The following GPATCH2L variants were observed in gnomAD, a reference collection of about 807,000 sequenced individuals.
The protein encoded by GPATCH2L is G patch domain-containing protein 2-like.
Under a neutral mutation model 57.4 loss-of-function variants are expected in GPATCH2L, and 31 were observed. That is an observed-to-expected ratio of 0.54 (90% CI 0.41 to 0.73). The LOEUF (loss-of-function observed/expected upper bound fraction) is 0.73. Among genes scored for constraint, GPATCH2L ranks in the 30% least tolerant of loss-of-function variants. The probability of loss-of-function intolerance (pLI) is 0.00; values close to 1 mark genes in which losing one functional copy is unlikely to be tolerated. For synonymous variants in GPATCH2L, 199 were observed against 210.7 expected, an observed-to-expected ratio of 0.94 and a Z score of 0.48; for missense variants, 481 against 599.9, an observed-to-expected ratio of 0.80 and a Z score of 2.07.
At chr14:76,221,536 G>A (rs570453436) in intron 1 of GPATCH2L, among the ~76,000 whole-genome samples, 1 of 152,288 alleles carries the variant, frequency 6.6e-6, no homozygotes, top group South Asian at 2.1e-4. Flanking sequence ...TCCACAGAAA[G>A]ACTGCACACA....
chr14:76,189,075 A>G (rs1258446623), intron 8 of GPATCH2L, among the ~76,000 whole-genome samples: 1 of 151,992 alleles, frequency 6.6e-6, no homozygotes, highest in Non-Finnish European at 1.5e-5. Flanking sequence ...GTCTGTTTTT[A>G]TGCCAGTACA....
At position 76,154,482 on chromosome 14, in the gene GPATCH2L, G is replaced by A. The variant is rs771836904; in HGVS notation, c.119G>A (p.Arg40Gln). Reference protein sequence around the residue: ...LSPRQQRRQLRKRRGRKRRSD... With the variant: ...LSPRQQRRQLQKRRGRKRRSD... ...CCCCGACAGCAGAGGCGGCAGCTTC[G>A]GAAACGCCGAGGTCGGAAGCGTCGT... The change falls in exon 2 of 10, where the codon CGG becomes CAG. Residue 40 changes from arginine (R) to glutamine (Q), a missense_variant. Coordinates refer to ENST00000261530, the MANE Select transcript of GPATCH2L (RefSeq NM_017926.4). This position sits in a 1 kb window ranked among gnomAD's most constrained non-coding sequence, Gnocchi z 4.4. 17 of 1,614,056 alleles carry A rather than the reference G, an allele frequency of 1.1e-5. No individual in the cohort carries two copies. Among genetic ancestry groups the A allele is most frequent in the Non-Finnish European group, 1.4e-5 (17 of 1,180,042 alleles).
chr14:76,177,194 T>C (rs575307094), intron 6 of GPATCH2L, among the ~76,000 whole-genome samples: 1 of 152,198 alleles, frequency 6.6e-6, no homozygotes, highest in Admixed American at 6.5e-5. Flanking sequence ...TACAGGCGCA[T>C]GCTGCTGCGC....
In GPATCH2L at chr14:76,204,150, C is replaced by T. The variant is rs537071880; in HGVS notation, c.*2299C>T. The T allele has an allele frequency of 1.3e-5, 2 of 152,330 alleles. No individual in the cohort carries two copies. Among genetic ancestry groups the T allele is most frequent in the East Asian group, 3.9e-4 (2 of 5,192 alleles). 9.4% of individuals were successfully genotyped at this position (152,330 alleles called of 1,614,324 possible). A position where few individuals can be genotyped will look rare whatever the true frequency, so the allele number is the denominator to read the frequency against. On this transcript the variant is annotated 3_prime_UTR_variant, in exon 10 of 10. Transcript: ENST00000261530. ...ACTAAGCCAGGACTAGAATCCCAGA[C>T]TTTCAGATTTTCTCTGCCCTGGGTT...
At chr14:76,225,452 C>G (rs1227421459) in intron 1 of GPATCH2L, among the ~76,000 whole-genome samples, 1 of 150,982 alleles carries the variant, frequency 6.6e-6, no homozygotes, top group Non-Finnish European at 1.5e-5. Context: ...TGAAAAAAAC[C>G]AAGTCCATAT....
At position 76,222,953 on chromosome 14, in the gene GPATCH2L, T is replaced by G. The variant is rs369207166; in HGVS notation, c.66-6855T>G. On this transcript the variant is annotated intron_variant and NMD_transcript_variant, in intron 1 of 3. Coordinates refer to the GPATCH2L transcript ENST00000556372. ...CCTGGGCAACAGAGTGAGACTGTGTTCAAAAAAAAAAAAAAAAAGAAAGAA... is the reference window on the plus strand; with the variant it reads ...CCTGGGCAACAGAGTGAGACTGTGTGCAAAAAAAAAAAAAAAAAGAAAGAA... Among the ~76,000 whole-genome samples the G allele has an allele frequency of 8.1e-3, 823 of 101,918 alleles. 8 individuals are homozygous for G. The highest frequency in any genetic ancestry group is 0.025 in the African/African-American group (766 of 30,710). The allele number at this position is 101,918 out of a possible 152,430, so 66.9% of individuals were successfully genotyped here.
chr14:76,233,056 A>C (rs950445864), intron 2 of GPATCH2L, among the ~76,000 whole-genome samples: 1 of 152,232 alleles, frequency 6.6e-6, no homozygotes, highest in Admixed American at 6.5e-5. Context: ...AGCAGAGTAC[A>C]AAGGCCAGAC....
At chr14:76,163,284 A>G (rs1334961262) in intron 2 of GPATCH2L, among the ~76,000 whole-genome samples, 3 of 152,210 alleles carry the variant, frequency 2.0e-5, no homozygotes, top group African/African-American at 4.8e-5. Flanking sequence ...TAATTAATAT[A>G]AAGTGCTTAG....
At chr14:76,217,450 C>T (rs1209243679), downstream of GPATCH2L, among the ~76,000 whole-genome samples, 4 of 152,068 alleles carry the variant, frequency 2.6e-5, no homozygotes, top group East Asian at 7.7e-4. Flanking sequence ...AAATATACCC[C>T]ACTCCTTTGG....
chr14:76,185,321 G>A (rs11848148), intron 8 of GPATCH2L, among the ~76,000 whole-genome samples: 31,284 of 152,144 alleles, frequency 0.21, 3,557 homozygotes, highest in African/African-American at 0.3. Context: ...TGTGATTGGC[G>A]TTCTGGTAGA....
At chr14:76,162,031 G>A (rs1467971541) in intron 2 of GPATCH2L, among the ~76,000 whole-genome samples, 1 of 152,036 alleles carries the variant, frequency 6.6e-6, no homozygotes, top group African/African-American at 2.4e-5. Flanking sequence ...GCGAGACTCC[G>A]TCTCAAAAAA....
chr14:76,160,152 AG>A (rs1487501247), intron 2 of GPATCH2L, among the ~76,000 whole-genome samples: 1 of 152,138 alleles, frequency 6.6e-6, no homozygotes. Context: ...TCAAAAAAAA[AG>A]AAAAAAGAAA....
At chr14:76,231,712 C>T (rs1376044005) in intron 2 of GPATCH2L, among the ~76,000 whole-genome samples, 1 of 151,568 alleles carries the variant, frequency 6.6e-6, no homozygotes, top group Non-Finnish European at 1.5e-5. Context: ...GAAAAATATA[C>T]AGAAGTAGAA....
intron 8 of GPATCH2L, among the ~76,000 whole-genome samples, chr14:76,185,157 A>G (rs1354833923): frequency 6.6e-5 from 10 of 152,180 alleles, no homozygotes; most frequent in Admixed American, 2.0e-4. Context: ...AGGTGGATAT[A>G]TGGATAGTTG....
At chr14:76,165,274 A>T (rs1481250308) in intron 2 of GPATCH2L, among the ~76,000 whole-genome samples, 1 of 152,100 alleles carries the variant, frequency 6.6e-6, no homozygotes, top group East Asian at 1.9e-4. Context: ...TGGGCGGATC[A>T]TGAGGTCAGG....
intron 1 of GPATCH2L, among the ~76,000 whole-genome samples, chr14:76,227,264 T>A (rs1430381359): frequency 6.6e-6 from 1 of 152,210 alleles, no homozygotes; most frequent in East Asian, 1.9e-4. Context: ...CCGGCATCTG[T>A]TCTGATTAGG....
intron 2 of GPATCH2L, among the ~76,000 whole-genome samples, chr14:76,166,051 G>A (rs531975063): frequency 2.7e-4 from 41 of 152,308 alleles, no homozygotes; most frequent in Non-Finnish European, 5.0e-4. Flanking sequence ...GCAGAATTTC[G>A]TGGGACAAAA....
intron 8 of GPATCH2L, among the ~76,000 whole-genome samples, chr14:76,183,758 C>T (rs11846762): frequency 0.21 from 31,505 of 152,054 alleles, 3,608 homozygotes; most frequent in African/African-American, 0.31. Flanking sequence ...AAGATGGAAC[C>T]GTCTAGCTCC....
intron 2 of GPATCH2L, among the ~76,000 whole-genome samples, chr14:76,159,499 G>GC (rs2038470803): frequency 6.6e-6 from 1 of 152,036 alleles, no homozygotes; most frequent in Non-Finnish European, 1.5e-5. Flanking sequence ...AATATGCAGA[G>GC]CCCCTAGCCC....
Sources: gnomAD v4.1 joint callset for allele counts (sites outside exome capture counted in the v4.1 genomes callset) on GRCh38, gnomAD v4.1.1 for gene constraint, Gnocchi (gnomAD v3.1) non-coding constraint, MANE v1.5 for transcripts, NCBI Gene and HGNC (gene_info 2026-07-23, HGNC 2026-07-21) for gene names.